Variants in WDR19 observed in about 807,000 individuals in gnomAD.
WDR19 encodes WD repeat domain 19.
Under a neutral mutation model 180.0 loss-of-function variants are expected in WDR19, and 121 were observed. The observed-to-expected ratio is 0.67, with a 90% confidence interval of 0.58 to 0.78. The LOEUF (loss-of-function observed/expected upper bound fraction) is 0.78, where lower values mean the gene tolerates loss of function less well. Among genes scored for constraint, WDR19 ranks in the 30% least tolerant of loss-of-function variants. The probability of loss-of-function intolerance (pLI) is 0.00; values close to 1 mark genes in which losing one functional copy is unlikely to be tolerated. For missense variants in WDR19, 1,450 were observed against 1,640.7 expected, an observed-to-expected ratio of 0.88 and a Z score of 2.01; for synonymous variants, 497 against 540.7, an observed-to-expected ratio of 0.92 and a Z score of 1.12.
intron 30 of WDR19, 72 bp downstream of exon 30, chr4:39,268,163 A>G: frequency 7.7e-7 from 1 of 1,305,010 alleles, no homozygotes; most frequent in Non-Finnish European, 1.1e-6. Flanking sequence ...TTTTCTGTGT[A>G]GGAAAGAGTA....
chr4:39,184,935 A>T (rs1297740104), intron 1 of WDR19, among the ~76,000 whole-genome samples: 1 of 152,232 alleles, frequency 6.6e-6, no homozygotes. Flanking sequence ...TTAAGAAAAC[A>T]GGTAAAATTT....
At position 39,216,137 on chromosome 4, in the gene WDR19, T is replaced by C; in HGVS notation, c.1176T>C (p.Phe392=). ...TTTCTGTTGATGTGGAACCCAACTTTGTGGCAGTAGGTCTTTATCATCTGG... is the reference window on the plus strand; with the variant it reads ...TTTCTGTTGATGTGGAACCCAACTTCGTGGCAGTAGGTCTTTATCATCTGG... ...ITVSVDVEPN[F]VAVGLYHLAV... Residue 392 remains phenylalanine (F), a synonymous_variant, in exon 12 of 37, where the codon TTT becomes TTC. Coordinates refer to ENST00000399820, the MANE Select transcript of WDR19 (RefSeq NM_025132.4). 1 of 1,594,792 alleles carries C rather than the reference T, an allele frequency of 6.3e-7. No homozygotes were observed. The highest frequency in any genetic ancestry group is 8.5e-7 in the Non-Finnish European group (1 of 1,170,194).
chr4:39,276,907 G>C (rs1735955339), intron 33 of WDR19, 113 bp from the exon 34 acceptor site: 1 of 1,331,236 alleles, frequency 7.5e-7, no homozygotes, highest in Non-Finnish European at 1.1e-6. Flanking sequence ...CCCAGAGTCT[G>C]ACTATGAAGT....
chr4:39,233,427 A>G (rs1731083257), intron 19 of WDR19, among the ~76,000 whole-genome samples: 1 of 152,224 alleles, frequency 6.6e-6, no homozygotes, highest in Non-Finnish European at 1.5e-5. Flanking sequence ...TCTTTAAAGT[A>G]GGAAGAATAA....
chr4:39,214,644 A>T lies in WDR19; in HGVS notation c.934A>T (p.Ile312Leu). The T allele has an allele frequency of 6.3e-7, 1 of 1,588,058 alleles. No homozygotes were observed. The highest frequency in any genetic ancestry group is 1.2e-5 in the South Asian group (1 of 85,520). The stretch of plus-strand genomic sequence containing the variant: ...GGTTGACTTAAAAGACATGTATGTT[A>T]TACTCAACCTGGATGAGGAAAATAA... Reference protein sequence around the residue: ...DLVDLKDMYVILNLDEENKGL... With the variant: ...DLVDLKDMYVLLNLDEENKGL... Residue 312 changes from isoleucine to leucine, a missense_variant, in exon 10 of 37, where the codon ATA becomes TTA. Physicochemically the swap from Ile to Leu is conservative, Grantham distance 5. Coordinates refer to ENST00000399820, the MANE Select transcript of WDR19 (RefSeq NM_025132.4).
chr4:39,205,123 C>G, intron 7 of WDR19, 31 bp from the exon 8 acceptor site: 3 of 1,479,600 alleles, frequency 2.0e-6, no homozygotes, highest in Non-Finnish European at 2.8e-6. Flanking sequence ...CTAAGTAACT[C>G]ATTTCACAAT....
intron 36 of WDR19, among the ~76,000 whole-genome samples, chr4:39,279,469 G>C (rs1183679396): frequency 2.6e-5 from 4 of 152,126 alleles, no homozygotes; most frequent in African/African-American, 9.7e-5. Flanking sequence ...GCTTTTTATT[G>C]CACCTGCAAA....
At chr4:39,248,921 C>G (rs1732824721) in intron 24 of WDR19, among the ~76,000 whole-genome samples, 1 of 152,120 alleles carries the variant, frequency 6.6e-6, no homozygotes, top group Non-Finnish European at 1.5e-5. Context: ...TTTAACACCC[C>G]ACTGTCAACA....
rs1477266329 is a variant in WDR19 at position 39,205,261 on chromosome 4, T to C, written c.711T>C (p.Tyr237=). ...AGGACTTTGGCAACATTGTCTGCTA[T>C]AATTGGTATGTCTGCTATAACTGGT... ...FQQDFGNIVC[Y]NWYGDGRIMI... is the part of the protein sequence containing the mutation. Residue 237 remains tyrosine (Y), a synonymous_variant, in exon 8 of 37, where the codon TAT becomes TAC. Transcript: ENST00000399820. 1.9e-6 allele frequency: 3 copies of C among 1,589,886 alleles called. No individual in the cohort carries two copies. Among genetic ancestry groups the C allele is most frequent in the African/African-American group, 1.3e-5 (1 of 74,648 alleles).
intron 6 of WDR19, among the ~76,000 whole-genome samples, chr4:39,201,048 G>C (rs1727316028): frequency 1.3e-5 from 2 of 152,076 alleles, no homozygotes; most frequent in African/African-American, 4.8e-5. Flanking sequence ...AACTTCAGGG[G>C]CCGGAAGAAT....
rs2109437693 is a variant in WDR19, at chr4:39,253,266, T to G, written c.2850T>G (p.Ser950=). 2 of 1,612,798 alleles carry G rather than the reference T, an allele frequency of 1.2e-6. No homozygotes were observed. The highest frequency in any genetic ancestry group is 1.7e-6 in the Non-Finnish European group (2 of 1,179,564). Residue 950 remains serine, a synonymous_variant, in exon 25 of 37, where the codon TCT becomes TCG. Coordinates refer to ENST00000399820, the MANE Select transcript of WDR19 (RefSeq NM_025132.4). Reference sequence around the variant, plus strand: ...TCAATATTGTTAGAGAGACCCAGTCTCTGGATGGAGCCAAAATGGTAGCCA... The same window carrying G: ...TCAATATTGTTAGAGAGACCCAGTCGCTGGATGGAGCCAAAATGGTAGCCA... The part of the protein sequence containing the change: ...KAVNIVRETQ[S]LDGAKMVARF...
chr4:39,228,107 T>C, intron 15 of WDR19, 103 bp from the exon 16 acceptor site: 1 of 1,287,720 alleles, frequency 7.8e-7, no homozygotes. Context: ...TGAATATGAC[T>C]CAGTAAGCTA....
chr4:39,220,237 CAAAA>C (rs897378339), intron 14 of WDR19, among the ~76,000 whole-genome samples: 1 of 151,474 alleles, frequency 6.6e-6, no homozygotes, highest in Non-Finnish European at 1.5e-5. Flanking sequence ...AACAAACAAA[CAAAA>C]AAACAAAAAA....
intron 25 of WDR19, 74 bp from the exon 26 acceptor site, chr4:39,253,832 T>A: frequency 7.3e-7 from 1 of 1,366,288 alleles, no homozygotes; most frequent in Non-Finnish European, 9.9e-7. Flanking sequence ...TTTAAATGGT[T>A]TCTCCTGGTT....
At chr4:39,199,636 C>A (rs756372771) in intron 6 of WDR19, 43 bp downstream of exon 6, 1 of 1,471,298 alleles carries the variant, frequency 6.8e-7, no homozygotes. Context: ...TTCAAGCTTT[C>A]CCCCCAAATA....
chr4:39,254,393 TA>T (rs1733551945), intron 26 of WDR19, among the ~76,000 whole-genome samples: 1 of 152,176 alleles, frequency 6.6e-6, no homozygotes, highest in Admixed American at 6.5e-5. Flanking sequence ...ATATTTTCAT[TA>T]AAAAATTGAG....
At chr4:39,256,087 T>C in intron 27 of WDR19, 127 bp downstream of exon 27, 1 of 442,718 alleles carries the variant, frequency 2.3e-6, no homozygotes, top group African/African-American at 3.1e-5. Context: ...ATTTGAAATC[T>C]CAGAGCTAAC....
intron 24 of WDR19, among the ~76,000 whole-genome samples, chr4:39,251,393 A>G (rs528997163): frequency 2.4e-4 from 36 of 152,312 alleles, no homozygotes; most frequent in African/African-American, 7.7e-4. Flanking sequence ...TGTTAGACCT[A>G]AAACCATAAA....
chr4:39,188,618 CAA>C (rs60149380), intron 3 of WDR19, among the ~76,000 whole-genome samples: 8 of 81,140 alleles, frequency 9.9e-5, no homozygotes, highest in Non-Finnish European at 1.7e-4. Flanking sequence ...GACCTTGTCT[CAA>C]AAAAAAAAAA....
Sources: gnomAD v4.1 joint callset for allele counts (sites outside exome capture counted in the v4.1 genomes callset) on GRCh38, gnomAD v4.1.1 for gene constraint, MANE v1.5 for transcripts, NCBI Gene and HGNC (gene_info 2026-07-23, HGNC 2026-07-21) for gene names.